IGF2R: variants seen among roughly 807,000 people sequenced by gnomAD.
The protein encoded by IGF2R is cation-independent mannose-6-phosphate receptor.
IGF2R carries 91 observed loss-of-function variants against 270.6 expected under a neutral mutation model. The observed-to-expected ratio is 0.34, with a 90% CI of 0.28 to 0.40. The LOEUF (loss-of-function observed/expected upper bound fraction) is 0.40, where lower values mean the gene tolerates loss of function less well. Among genes scored for constraint, IGF2R ranks in the 10% least tolerant of loss-of-function variants. IGF2R has a pLI of 1.00. For missense variants in IGF2R, 2,805 were observed against 3,188.3 expected (o/e 0.88, Z 2.90); for synonymous variants, 1,316 against 1,258.9 (o/e 1.05, Z -0.96).
chr6:160,059,596 T>C (rs971670646), intron 22 of IGF2R, among the ~76,000 whole-genome samples: 1 of 152,220 alleles, frequency 6.6e-6, no homozygotes, highest in Admixed American at 6.5e-5. Context: ...GAGTGATGTT[T>C]CTGAAACATC....
Position 160,084,938 on chromosome 6 carries a change from T to A in IGF2R, c.6069-57T>A. 6.4e-7 allele frequency: 1 copy of A among 1,551,770 alleles called. No individual in the cohort carries two copies. Among genetic ancestry groups the A allele is most frequent in the Non-Finnish European group, 8.8e-7 (1 of 1,134,888 alleles). ...AAGTAAAGTGAAGAGCCCTCCTGTG[T>A]CAGGGCAGAGACGTCACTTGCATGC... On this transcript the variant is annotated intron_variant, in intron 40 of 47. Transcript: ENST00000356956. The surrounding 1 kb of genome is among the most constrained non-coding windows in gnomAD (Gnocchi z 4.6).
chr6:160,016,859 G>C (rs1562344668), intron 4 of IGF2R, among the ~76,000 whole-genome samples: 1 of 152,330 alleles, frequency 6.6e-6, no homozygotes, highest in East Asian at 1.9e-4. Flanking sequence ...TTCTCAGGGC[G>C]GGGGGAACCC....
rs79373200 is a variant in IGF2R at position 160,091,496 on chromosome 6, C to T, written c.6655+1393C>T. 3.5e-4 allele frequency among the ~76,000 whole-genome samples: 53 copies of T among 152,088 alleles called. No individual in the cohort carries two copies. In the East Asian group the frequency reaches 7.4e-3, roughly 21 times the overall value. ...GCTCCTGGTCACAGATTGTAGACAG[C>T]GCCCTGGTGCATCTGCTCATAGCAC... On this transcript the variant is annotated intron_variant, in intron 44 of 47. Coordinates refer to ENST00000356956, the MANE Select transcript of IGF2R (RefSeq NM_000876.4).
intron 29 of IGF2R, among the ~76,000 whole-genome samples, chr6:160,066,726 A>T (rs899136783): frequency 2.0e-5 from 3 of 152,056 alleles, no homozygotes; most frequent in Non-Finnish European, 2.9e-5. Context: ...CTTTTAAAAG[A>T]TGAAAGCTGT....
chr6:159,991,208 C>T lies in IGF2R; in HGVS notation c.174C>T (p.Thr58=). ...LCSYTWEAVD[T]KNNVLYKINI... is the part of the protein sequence containing the mutation. ...GTTATACATGGGAAGCTGTTGATAC[C>T]AAAAATAATGTACTTTATAAAATCA... The change falls in exon 2 of 48, where the codon ACC becomes ACT. Residue 58 remains threonine, a synonymous_variant. Coordinates refer to ENST00000356956, the MANE Select transcript of IGF2R (RefSeq NM_000876.4). The T allele has an allele frequency of 6.2e-7, 1 of 1,609,758 alleles. No homozygotes were observed. The highest frequency in any genetic ancestry group is 8.5e-7 in the Non-Finnish European group (1 of 1,177,626).
In IGF2R at chr6:160,108,112, C is replaced by T. The variant is rs1427337029; in HGVS notation, c.*3028C>T. Reference sequence around the variant, plus strand: ...ACGAGACTGGATTTCTGGAAATATCCTTTACTGACTCTGAAGAATCCCATG... The same window carrying T: ...ACGAGACTGGATTTCTGGAAATATCTTTTACTGACTCTGAAGAATCCCATG... On this transcript the variant is annotated 3_prime_UTR_variant, in exon 48 of 48. Coordinates refer to ENST00000356956, the MANE Select transcript of IGF2R (RefSeq NM_000876.4). 6.6e-6 allele frequency: 1 copy of T among 152,216 alleles called. No homozygotes were observed. Among genetic ancestry groups the T allele is most frequent in the Non-Finnish European group, 1.5e-5 (1 of 68,066 alleles). 9.4% of individuals were successfully genotyped at this position (152,216 alleles called of 1,614,324 possible).
chr6:160,064,519 C>G lies in IGF2R; in HGVS notation c.4005C>G (p.Arg1335=), dbSNP rs377735079. 6.2e-7 allele frequency: 1 copy of G among 1,613,992 alleles called. No individual in the cohort carries two copies. Among genetic ancestry groups the G allele is most frequent in the Admixed American group, 1.7e-5 (1 of 60,000 alleles). Reference sequence around the variant, plus strand: ...CAGCCATCTTCTTCTACTGTGACCGCGGCACCCAGCGGGTGAGCATGTACC... The same window carrying G: ...CAGCCATCTTCTTCTACTGTGACCGGGGCACCCAGCGGGTGAGCATGTACC... ...RSTAIFFYCD[R]GTQRPVFLKE... is the part of the protein sequence containing the mutation. Residue 1335 remains arginine, a synonymous_variant, in exon 28 of 48, where the codon CGC becomes CGG. Coordinates refer to ENST00000356956, the MANE Select transcript of IGF2R (RefSeq NM_000876.4).
At chr6:160,087,081 G>A (rs9457829) in intron 41 of IGF2R, among the ~76,000 whole-genome samples, 6,457 of 152,214 alleles carry the variant, frequency 0.042, 250 homozygotes, top group East Asian at 0.098. Context: ...GCAGCTTAAA[G>A]CATGTACTCA....
At chr6:160,055,117 T>G (rs1778283591) in intron 19 of IGF2R, among the ~76,000 whole-genome samples, 1 of 152,096 alleles carries the variant, frequency 6.6e-6, no homozygotes, top group Non-Finnish European at 1.5e-5. Context: ...TCTCCTTGGG[T>G]TCACCTGAGC....
At chr6:160,098,891 T>G (rs1318864429) in intron 45 of IGF2R, among the ~76,000 whole-genome samples, 3 of 152,218 alleles carry the variant, frequency 2.0e-5, no homozygotes, top group Non-Finnish European at 4.4e-5. Flanking sequence ...TTTTAGTTCT[T>G]TTAGCTATTT....
Position 160,050,625 on chromosome 6 carries a change from C to T in IGF2R, c.2667C>T (p.Ile889=). ...GACAGACCACATATACCACGAGGAT[C>T]CATCTCGTCTGCTCCAGGGGCAGGC... is the stretch of plus-strand genomic sequence containing the variant. ...DGRQTTYTTR[I]HLVCSRGRLN... is the part of the protein sequence containing the mutation. The change falls in exon 19 of 48, where the codon ATC becomes ATT. Residue 889 remains isoleucine (I), a synonymous_variant. Coordinates refer to ENST00000356956, the MANE Select transcript of IGF2R (RefSeq NM_000876.4). This position sits in a 1 kb window ranked among gnomAD's most constrained non-coding sequence, Gnocchi z 4.0. 3.1e-6 allele frequency: 5 copies of T among 1,610,068 alleles called. No individual in the cohort carries two copies. Among genetic ancestry groups the T allele is most frequent in the Non-Finnish European group, 4.2e-6 (5 of 1,176,752 alleles).
intron 4 of IGF2R, among the ~76,000 whole-genome samples, chr6:160,020,852 G>GAAAACTATAA (rs1777416115): frequency 6.6e-6 from 1 of 152,182 alleles, no homozygotes; most frequent in Admixed American, 6.5e-5. Context: ...ATTCCCAGAA[G>GAAAACTATAA]AAAACCCAGG....
chr6:160,075,874 A>G lies in IGF2R; in HGVS notation c.5194A>G (p.Ile1732Val), dbSNP rs1562369351. 6.2e-7 allele frequency: 1 copy of G among 1,614,188 alleles called. No homozygotes were observed. Among genetic ancestry groups the G allele is most frequent in the Non-Finnish European group, 8.5e-7 (1 of 1,180,012 alleles). The change falls in exon 36 of 48, where the codon ATA becomes GTA. Residue 1732 changes from isoleucine (I) to valine (V), a missense_variant. This residue lies in a region of IGF2R where 1,851 missense variants were observed against 2,207.2 expected (regional missense o/e 0.84). Transcript: ENST00000356956. The part of the protein sequence containing the change: ...IDIGRVAGPP[I>V]LNPIANEIYL... The stretch of plus-strand genomic sequence containing the variant: ...TATCGGCCGGGTAGCAGGACCACCA[A>G]TACTCAATCCAATAGCAAATGAGAT...
rs1778791524 is a variant in IGF2R, at chr6:160,073,551, A to G, written c.4947+82A>G. ...GCCCCTTCGTCAGGTTCACTTGCCC[A>G]CTAGTAGATGCCCAGCTGAACTGTC... is the stretch of plus-strand genomic sequence containing the variant. On this transcript the variant is annotated intron_variant, in intron 34 of 47. Coordinates refer to ENST00000356956, the MANE Select transcript of IGF2R (RefSeq NM_000876.4). 6.7e-6 allele frequency: 10 copies of G among 1,497,716 alleles called. No individual in the cohort carries two copies. The East Asian group carries it at 2.3e-4, about 35-fold the overall frequency. The allele number at this position is 1,497,716 out of a possible 1,614,324, so 92.8% of individuals were successfully genotyped here. A position where few individuals can be genotyped will look rare whatever the true frequency, so the allele number is the denominator to read the frequency against.
At chr6:159,995,392 A>G (rs987842098) in intron 2 of IGF2R, among the ~76,000 whole-genome samples, 1 of 151,974 alleles carries the variant, frequency 6.6e-6, no homozygotes, top group Non-Finnish European at 1.5e-5. Flanking sequence ...TAGTTCACCA[A>G]TCTATATCTT....
chr6:160,099,125 A>G (rs531561375), intron 45 of IGF2R, among the ~76,000 whole-genome samples: 1 of 152,374 alleles, frequency 6.6e-6, no homozygotes, highest in Non-Finnish European at 1.5e-5. Context: ...TATTGATGAC[A>G]AGACCCACCC....
chr6:160,043,401 A>T lies in IGF2R; in HGVS notation c.1621+113A>T. 4 of 1,225,626 alleles carry T rather than the reference A, an allele frequency of 3.3e-6. 1 individual carries two copies. In the South Asian group the frequency reaches 6.3e-5, roughly 19 times the overall value. The allele number at this position is 1,225,626 out of a possible 1,614,324, so 75.9% of individuals were successfully genotyped here. A position where few individuals can be genotyped will look rare whatever the true frequency, so the allele number is the denominator to read the frequency against. ...CTAAGCCTCCTCTTTCTATAATCACATGAAGGATGGTAAAAATTTTTCATT... is the reference window on the plus strand; with the variant it reads ...CTAAGCCTCCTCTTTCTATAATCACTTGAAGGATGGTAAAAATTTTTCATT... On this transcript the variant is annotated intron_variant, in intron 12 of 47. Transcript: ENST00000356956.
At chr6:160,061,144 T>C (rs1425913862) in intron 23 of IGF2R, among the ~76,000 whole-genome samples, 1 of 152,110 alleles carries the variant, frequency 6.6e-6, no homozygotes, top group Non-Finnish European at 1.5e-5. Context: ...TCTGCAACAG[T>C]GGTACTTCCT....
intron 38 of IGF2R, 37 bp downstream of exon 38, chr6:160,079,824 C>T: frequency 2.1e-6 from 3 of 1,433,632 alleles, no homozygotes; most frequent in Non-Finnish European, 2.8e-6. Context: ...ACTTCAAGCT[C>T]ATAGTAAACT....
Sources: gnomAD v4.1 joint callset for allele counts (sites outside exome capture counted in the v4.1 genomes callset) on GRCh38, gnomAD v4.1.1 for gene constraint, gnomAD v4.1.1 regional missense constraint, Gnocchi (gnomAD v3.1) non-coding constraint, MANE v1.5 for transcripts, NCBI Gene and HGNC (gene_info 2026-07-23, HGNC 2026-07-21) for gene names.